Variants in TTC29 observed in about 807,000 individuals in gnomAD.
TTC29 encodes the protein tetratricopeptide repeat domain 29.
TTC29 carries 49 observed loss-of-function variants against 58.1 expected under a neutral mutation model. That is an observed-to-expected ratio of 0.84 (90% CI 0.67 to 1.07). TTC29 has a LOEUF of 1.07. TTC29 is among the 50% of genes least tolerant of loss of function. The pLI is 0.00. For synonymous variants in TTC29, 209 were observed against 196.8 expected, an observed-to-expected ratio of 1.06 and a Z score of -0.52; for missense variants, 582 against 555.6, an observed-to-expected ratio of 1.05 and a Z score of -0.48.
intron 9 of TTC29, among the ~76,000 whole-genome samples, chr4:146,823,916 G>A (rs553499770): frequency 6.6e-6 from 1 of 152,216 alleles, no homozygotes; most frequent in South Asian, 2.1e-4. Context: ...TACTGTTGGT[G>A]TAAAGGAATA....
chr4:146,863,221 G>T (rs1162419487), intron 8 of TTC29, among the ~76,000 whole-genome samples: 1 of 152,060 alleles, frequency 6.6e-6, no homozygotes, highest in Non-Finnish European at 1.5e-5. Flanking sequence ...CCAAATCCCA[G>T]GATTTTGCAG....
At chr4:146,737,590 T>TGG (rs56346604) in intron 11 of TTC29, among the ~76,000 whole-genome samples, 3,629 of 93,490 alleles carry the variant, frequency 0.039, 204 homozygotes, top group South Asian at 0.067. Flanking sequence ...CTAGTAGCCC[T>TGG]GGGGGGGGGG....
chr4:146,846,107 G>A (rs1463872918), intron 8 of TTC29, among the ~76,000 whole-genome samples: 5 of 151,844 alleles, frequency 3.3e-5, no homozygotes, highest in Admixed American at 1.3e-4. Flanking sequence ...GCATTCTACC[G>A]CATTCAATAA....
chr4:146,719,189 G>GGTGT (rs60552473), intron 11 of TTC29, among the ~76,000 whole-genome samples: 19,677 of 144,038 alleles, frequency 0.14, 1,472 homozygotes, highest in Middle Eastern at 0.24. Flanking sequence ...TGGCTATTGG[G>GGTGT]GTGTGTGTGT....
intron 4 of TTC29, among the ~76,000 whole-genome samples, chr4:146,933,321 ACT>A (rs1326099562): frequency 5.3e-5 from 8 of 152,200 alleles, no homozygotes; most frequent in Non-Finnish European, 1.2e-4. Flanking sequence ...AGATTAACAC[ACT>A]CTGTCCCCAG....
intron 9 of TTC29, among the ~76,000 whole-genome samples, chr4:146,833,489 C>T (rs1579786297): frequency 6.6e-6 from 1 of 152,164 alleles, no homozygotes; most frequent in East Asian, 1.9e-4. Flanking sequence ...AAGCGTACTA[C>T]ATATTTCTGT....
At chr4:146,827,931 G>C (rs920629076) in intron 9 of TTC29, among the ~76,000 whole-genome samples, 1 of 151,968 alleles carries the variant, frequency 6.6e-6, no homozygotes, top group African/African-American at 2.4e-5. Flanking sequence ...ATAAAGTCCT[G>C]GTGTCTATTT....
At chr4:146,806,424 A>G (rs1322496722) in intron 10 of TTC29, among the ~76,000 whole-genome samples, 1 of 152,240 alleles carries the variant, frequency 6.6e-6, no homozygotes, top group Non-Finnish European at 1.5e-5. Context: ...CCCAATTAAT[A>G]AACACAGACT....
intron 10 of TTC29, among the ~76,000 whole-genome samples, chr4:146,816,992 A>G (rs1377915644): frequency 6.6e-6 from 1 of 152,172 alleles, no homozygotes; most frequent in East Asian, 1.9e-4. Flanking sequence ...GGGTGTAGAG[A>G]AAAACAGAAG....
At chr4:146,757,108 G>A (rs985567189) in intron 11 of TTC29, among the ~76,000 whole-genome samples, 1 of 151,818 alleles carries the variant, frequency 6.6e-6, no homozygotes, top group Non-Finnish European at 1.5e-5. Flanking sequence ...GAAGAGCCTT[G>A]TTTTGTCATA....
intron 11 of TTC29, among the ~76,000 whole-genome samples, chr4:146,743,711 C>A (rs529121017): frequency 6.6e-6 from 1 of 152,120 alleles, no homozygotes. Flanking sequence ...CTTCTTATTT[C>A]GCTTTAGAAG....
At position 146,748,867 on chromosome 4, in the gene TTC29, T is replaced by C. The variant is rs566452925; in HGVS notation, c.1331-41316A>G. Among the ~76,000 whole-genome samples the C allele has an allele frequency of 2.3e-3, 352 of 152,110 alleles. 4 individuals are homozygous for C. The highest frequency in any genetic ancestry group is 8.3e-3 in the African/African-American group (344 of 41,482). On this transcript the variant is annotated intron_variant, in intron 11 of 12. Coordinates refer to ENST00000325106, the MANE Select transcript of TTC29 (RefSeq NM_031956.4). ...AACATGGCATCACCAAAAAACACAA[T>C]AATTCTCTAGTAACTGACCCCCCCG... is the stretch of plus-strand genomic sequence containing the variant.
At chr4:146,849,781 C>T (rs1233938430) in intron 8 of TTC29, among the ~76,000 whole-genome samples, 2 of 152,148 alleles carry the variant, frequency 1.3e-5, no homozygotes, top group Admixed American at 6.5e-5. Context: ...TGGCTCCAGG[C>T]CCCCAGGCAC....
At chr4:146,908,419 T>C (rs1409345758) in intron 5 of TTC29, among the ~76,000 whole-genome samples, 1 of 152,180 alleles carries the variant, frequency 6.6e-6, no homozygotes, top group Non-Finnish European at 1.5e-5. Flanking sequence ...AAATATTTAA[T>C]ACTTGGAATG....
intron 11 of TTC29, among the ~76,000 whole-genome samples, chr4:146,716,931 CAA>C (rs1347022132): frequency 6.6e-6 from 1 of 152,142 alleles, no homozygotes; most frequent in African/African-American, 2.4e-5. Flanking sequence ...GTCTGCTACT[CAA>C]AGTGTGGTCT....
Position 146,909,235 on chromosome 4 carries a change from T to C in TTC29, c.191A>G (p.Tyr64Cys), listed in dbSNP as rs1377140525. 1 of 1,611,270 alleles carries C rather than the reference T, an allele frequency of 6.2e-7. No homozygotes were observed. The highest frequency in any genetic ancestry group is 1.3e-5 in the African/African-American group (1 of 75,006). The change falls in exon 5 of 13, where the codon TAC becomes TGC. Residue 64 changes from tyrosine (Y) to cysteine (C), a missense_variant. Tyr to Cys is a radical substitution (Grantham distance 194). Transcript: ENST00000325106. ...CATGTCCACACAGATATTCTTCTTGTAGGAGTTCCTATAACTGGAAATATG... is the reference window on the plus strand; with the variant it reads ...CATGTCCACACAGATATTCTTCTTGCAGGAGTTCCTATAACTGGAAATATG... The part of the protein sequence containing the change: ...KEEVAAYRNS[Y>C]KKNICVDMLR...
At chr4:146,833,727 C>T (rs1013929496) in intron 9 of TTC29, 79 bp downstream of exon 9, 43 of 1,119,420 alleles carry the variant, frequency 3.8e-5, no homozygotes, top group South Asian at 7.6e-5. Flanking sequence ...TAATGGAAAG[C>T]GACAGACCTC....
intron 4 of TTC29, among the ~76,000 whole-genome samples, chr4:146,929,409 C>T (rs75292601): frequency 0.067 from 10,156 of 151,752 alleles, 488 homozygotes; most frequent in Non-Finnish European, 0.11. Context: ...TTATCTTCCC[C>T]ATGTCAGCTA....
chr4:146,811,965 T>C (rs567785522), intron 10 of TTC29, among the ~76,000 whole-genome samples: 1 of 152,318 alleles, frequency 6.6e-6, no homozygotes, highest in African/African-American at 2.4e-5. Context: ...AAATAACTTT[T>C]GTTTGCTGAG....
Sources: gnomAD v4.1 joint callset for allele counts (sites outside exome capture counted in the v4.1 genomes callset) on GRCh38, gnomAD v4.1.1 for gene constraint, MANE v1.5 for transcripts, NCBI Gene and HGNC (gene_info 2026-07-23, HGNC 2026-07-21) for gene names.